DPYD: variants seen among roughly 807,000 people sequenced by gnomAD.
DPYD encodes dihydropyrimidine dehydrogenase.
A neutral mutation model predicts 116.2 loss-of-function variants in DPYD; 109 were observed. The ratio of observed to expected loss-of-function variants is 0.94; its 90% CI spans 0.80 to 1.10. The LOEUF (loss-of-function observed/expected upper bound fraction) is 1.10. DPYD is among the 50% of genes least tolerant of loss of function. The pLI is 0.00. For missense variants in DPYD, 1,302 were observed against 1,254.5 expected (o/e 1.04, Z -0.57); for synonymous variants, 440 against 432.0 (o/e 1.02, Z -0.23).
Position 97,449,230 on chromosome 1 carries a change from A to G in DPYD, c.1905+829T>C, listed in dbSNP as rs868039961. On this transcript the variant is annotated intron_variant, in intron 14 of 22. Coordinates refer to ENST00000370192, the MANE Select transcript of DPYD (RefSeq NM_000110.4). ...TTGAAAGACATATGTAGGTAAAAAA[A>G]TATTTTCGATGACATAAACCCACAC... Among the ~76,000 whole-genome samples the G allele has an allele frequency of 9.8e-5, 15 of 152,296 alleles. 1 individual carries two copies. The South Asian group carries it at 2.5e-3, about 25-fold the overall frequency.
chr1:97,719,161 C>T (rs1233933374), intron 5 of DPYD, among the ~76,000 whole-genome samples: 2 of 125,410 alleles, frequency 1.6e-5, no homozygotes, highest in Non-Finnish European at 3.3e-5. Context: ...ACCCCCAACC[C>T]TGCCAAAAAA....
chr1:97,131,384 T>C (rs1417588739), intron 20 of DPYD, among the ~76,000 whole-genome samples: 1 of 152,178 alleles, frequency 6.6e-6, no homozygotes, highest in Non-Finnish European at 1.5e-5. Context: ...TTCATGCATG[T>C]AATAATACCC....
chr1:97,819,584 T>C (rs566535625), intron 3 of DPYD, among the ~76,000 whole-genome samples: 1 of 152,174 alleles, frequency 6.6e-6, no homozygotes, highest in Admixed American at 6.5e-5. Flanking sequence ...TCACTGGAAG[T>C]ATTTTGTTAA....
At chr1:97,502,405 C>T (rs181034366) in intron 13 of DPYD, among the ~76,000 whole-genome samples, 71 of 152,090 alleles carry the variant, frequency 4.7e-4, no homozygotes, top group African/African-American at 1.6e-3. Context: ...CTAGAGAAGT[C>T]CATTGTGGCC....
intron 8 of DPYD, among the ~76,000 whole-genome samples, chr1:97,605,947 T>C (rs75260359): frequency 0.013 from 1,999 of 152,232 alleles, 23 homozygotes; most frequent in Middle Eastern, 0.024. Flanking sequence ...ATGAAAACTA[T>C]GGACACTTTA....
intron 14 of DPYD, among the ~76,000 whole-genome samples, chr1:97,416,012 A>G (rs993506119): frequency 6.6e-6 from 1 of 152,170 alleles, no homozygotes; most frequent in Non-Finnish European, 1.5e-5. Flanking sequence ...TAACTATTCA[A>G]TAATACCTGT....
At chr1:97,848,192 G>T (rs765958019) in intron 2 of DPYD, among the ~76,000 whole-genome samples, 12 of 152,094 alleles carry the variant, frequency 7.9e-5, no homozygotes, top group Non-Finnish European at 1.6e-4. Flanking sequence ...CCGCCTCCCG[G>T]GTTCATGCCA....
intron 2 of DPYD, among the ~76,000 whole-genome samples, chr1:97,844,817 C>T (rs549750602): frequency 1.3e-5 from 2 of 152,222 alleles, no homozygotes; most frequent in East Asian, 3.9e-4. Flanking sequence ...GGAAACCCCC[C>T]ACTGCCCCTG....
intron 10 of DPYD, among the ~76,000 whole-genome samples, chr1:97,592,727 C>T (rs573362180): frequency 1.5e-4 from 23 of 152,288 alleles, no homozygotes; most frequent in African/African-American, 5.1e-4. Context: ...TATTAGAGCA[C>T]TTTAAAAATA....
chr1:97,468,864 A>AG (rs1435459042), intron 13 of DPYD, among the ~76,000 whole-genome samples: 2 of 152,204 alleles, frequency 1.3e-5, no homozygotes, highest in Non-Finnish European at 2.9e-5. Flanking sequence ...TCTTAAGGTT[A>AG]GGAGGGCATA....
At chr1:97,549,950 C>T (rs1355258949) in intron 11 of DPYD, among the ~76,000 whole-genome samples, 1 of 152,182 alleles carries the variant, frequency 6.6e-6, no homozygotes, top group Non-Finnish European at 1.5e-5. Context: ...TTACACCTCA[C>T]ATACAGGAAT....
rs1367879494 is a variant in DPYD at position 97,577,931 on chromosome 1, C to T, written c.1129-3961G>A. Among the ~76,000 whole-genome samples the T allele has an allele frequency of 3.3e-5, 5 of 151,880 alleles. No homozygotes were observed. The East Asian group carries it at 7.8e-4, about 24-fold the overall frequency. ...CAAGATCTCAGCTCACTGCAGTCTC[C>T]GCCTCCCCAGTTCAAGTGATTCTCC... On this transcript the variant is annotated intron_variant, in intron 10 of 22. Transcript: ENST00000370192.
At chr1:97,229,391 G>A (rs888172012) in intron 19 of DPYD, among the ~76,000 whole-genome samples, 1 of 149,946 alleles carries the variant, frequency 6.7e-6, no homozygotes, top group Non-Finnish European at 1.5e-5. Context: ...AAACTATACT[G>A]AACGAAAGGT....
At chr1:97,679,579 CCA>C (rs1405345764) in intron 7 of DPYD, among the ~76,000 whole-genome samples, 2 of 152,092 alleles carry the variant, frequency 1.3e-5, no homozygotes, top group Non-Finnish European at 2.9e-5. Context: ...GCTATGATCA[CCA>C]CATGTGTATG....
At chr1:97,618,928 C>T (rs577879653) in intron 8 of DPYD, among the ~76,000 whole-genome samples, 1 of 152,210 alleles carries the variant, frequency 6.6e-6, no homozygotes, top group East Asian at 1.9e-4. Flanking sequence ...CCAGAAACAT[C>T]CAGGATGCAA....
At chr1:97,380,797 T>C (rs1671912035) in intron 15 of DPYD, among the ~76,000 whole-genome samples, 1 of 152,162 alleles carries the variant, frequency 6.6e-6, no homozygotes, top group Non-Finnish European at 1.5e-5. Context: ...TTAACGTGGG[T>C]TTTTCCATTG....
At chr1:97,721,169 T>A (rs560857290) in intron 5 of DPYD, among the ~76,000 whole-genome samples, 1 of 151,934 alleles carries the variant, frequency 6.6e-6, no homozygotes, top group Admixed American at 6.6e-5. Flanking sequence ...GAAAATAATC[T>A]GTTACAGAAG....
rs1322917774 is a variant in DPYD at position 97,526,770 on chromosome 1, C to G, written c.1525-10829G>C. On this transcript the variant is annotated intron_variant, in intron 12 of 22. Transcript: ENST00000370192. ...CTCATCTGCTAATAAAGTGTCAGCTCTGACAAGCATCAACACATTGTCCAA... is the reference window on the plus strand; with the variant it reads ...CTCATCTGCTAATAAAGTGTCAGCTGTGACAAGCATCAACACATTGTCCAA... 5.3e-5 allele frequency among the ~76,000 whole-genome samples: 8 copies of G among 152,136 alleles called. No homozygotes were observed. The South Asian group carries it at 1.4e-3, about 28-fold the overall frequency.
At chr1:97,720,896 G>T in intron 5 of DPYD, 1 of 1,609,622 alleles carries the variant, frequency 6.2e-7, no homozygotes, top group South Asian at 1.1e-5. Flanking sequence ...CTTTACAAAT[G>T]ATTCATTAAA....
Sources: gnomAD v4.1 joint callset for allele counts (sites outside exome capture counted in the v4.1 genomes callset) on GRCh38, gnomAD v4.1.1 for gene constraint, MANE v1.5 for transcripts, NCBI Gene and HGNC (gene_info 2026-07-23, HGNC 2026-07-21) for gene names.